Variants in LACTB2 observed in about 807,000 individuals in gnomAD.
The protein encoded by LACTB2 is lactamase beta 2.
LACTB2 carries 32 observed loss-of-function variants against 34.8 expected under a neutral mutation model. That is an observed-to-expected ratio of 0.92 (90% CI 0.69 to 1.24). The LOEUF (loss-of-function observed/expected upper bound fraction) is 1.24, where lower values mean the gene tolerates loss of function less well. LACTB2 is among the 50% of genes most tolerant of loss of function. LACTB2 has a pLI of 0.00. For synonymous variants in LACTB2, 120 were observed against 117.5 expected, an observed-to-expected ratio of 1.02 and a Z score of -0.14; for missense variants, 320 against 345.0, an observed-to-expected ratio of 0.93 and a Z score of 0.57.
At position 70,661,734 on chromosome 8, in the gene LACTB2, C is replaced by T. The variant is rs768059882; in HGVS notation, c.286G>A (p.Asp96Asn). The T allele has an allele frequency of 6.2e-7, 1 of 1,604,316 alleles. No individual in the cohort carries two copies. The highest frequency in any genetic ancestry group is 2.2e-5 in the East Asian group (1 of 44,732). Residue 96 changes from aspartate to asparagine, a missense_variant and splice_region_variant, in exon 2 of 7, where the codon GAC becomes AAC. Asp to Asn is a conservative substitution (Grantham distance 23, BLOSUM62 1). Transcript: ENST00000276590. The stretch of plus-strand genomic sequence containing the variant: ...AGCTTAATGAATGTTTTCTGTTTAC[C>T]ATTATTGATGCTTTTACAAATATCT... ...IGDICKSINNDTTYCIKKLPR... is the reference protein window; with the variant it reads ...IGDICKSINNNTTYCIKKLPR...
chr8:70,662,154 T>C, intron 1 of LACTB2: 1 of 292,396 alleles, frequency 3.4e-6, no homozygotes, highest in Non-Finnish European at 6.4e-6. Flanking sequence ...GCAATTAAAA[T>C]AAACATGGCA....
intron 5 of LACTB2, among the ~76,000 whole-genome samples, chr8:70,639,880 T>C (rs369652356): frequency 2.0e-5 from 3 of 152,062 alleles, no homozygotes; most frequent in African/African-American, 7.2e-5. Context: ...GAGAATCGCG[T>C]GAACCCAGGA....
intron 3 of LACTB2, among the ~76,000 whole-genome samples, chr8:70,648,170 G>C (rs1451335559): frequency 6.6e-6 from 1 of 152,104 alleles, no homozygotes; most frequent in Non-Finnish European, 1.5e-5. Context: ...GAGGCCTAAA[G>C]CCTACGGAAG....
At chr8:70,653,370 C>T (rs1818369727) in intron 3 of LACTB2, among the ~76,000 whole-genome samples, 1 of 152,138 alleles carries the variant, frequency 6.6e-6, no homozygotes, top group South Asian at 2.1e-4. Flanking sequence ...ACTGGGATTA[C>T]AGGTGTGAGC....
At chr8:70,646,781 A>C (rs1442650380) in intron 3 of LACTB2, 6 of 152,240 alleles carry the variant, frequency 3.9e-5, no homozygotes, top group Non-Finnish European at 1.5e-5. Flanking sequence ...CCGACTTCTC[A>C]GCAATATACA....
intron 5 of LACTB2, among the ~76,000 whole-genome samples, chr8:70,639,450 A>G (rs949250456): frequency 1.3e-5 from 2 of 152,022 alleles, no homozygotes; most frequent in African/African-American, 4.8e-5. Context: ...GTGAGCCACC[A>G]TGCCCGGCCT....
chr8:70,661,134 A>T (rs1436467239), intron 2 of LACTB2: 1 of 439,782 alleles, frequency 2.3e-6, no homozygotes. Flanking sequence ...GCTCCATGAG[A>T]ACAGAGTCTG....
intron 4 of LACTB2, among the ~76,000 whole-genome samples, chr8:70,643,178 C>T (rs1424486126): frequency 6.8e-6 from 1 of 146,500 alleles, no homozygotes. Flanking sequence ...TTTAACTGCA[C>T]AGCTAGACAG....
intron 3 of LACTB2, among the ~76,000 whole-genome samples, chr8:70,655,663 T>A (rs1818402396): frequency 6.6e-6 from 1 of 152,240 alleles, no homozygotes; most frequent in Non-Finnish European, 1.5e-5. Context: ...TGAACATGTG[T>A]ATGCAAATAT....
At position 70,645,442 on chromosome 8, in the gene LACTB2, A is replaced by G. The variant is rs1287045184; in HGVS notation, c.414-1199T>C. Among the ~76,000 whole-genome samples, 6 of 152,310 alleles carry G rather than the reference A, an allele frequency of 3.9e-5. No homozygotes were observed. In the East Asian group the frequency reaches 1.2e-3, roughly 29 times the overall value. On this transcript the variant is annotated intron_variant, in intron 3 of 6. Coordinates refer to ENST00000276590, the MANE Select transcript of LACTB2 (RefSeq NM_016027.3). ...AATTTATTTTAGTAGTTATTATCTAAAAGCTTAAAAGAAACTTTCTTAACA... is the reference window on the plus strand; with the variant it reads ...AATTTATTTTAGTAGTTATTATCTAGAAGCTTAAAAGAAACTTTCTTAACA...
intron 5 of LACTB2, chr8:70,640,697 T>C (rs927567731): frequency 9.1e-6 from 4 of 438,520 alleles, no homozygotes; most frequent in African/African-American, 8.2e-5. Context: ...TAAAGTTCAA[T>C]GATGGCTCGA....
rs1818150852 is a variant in LACTB2, at chr8:70,638,455, C to G, written c.823+93G>C. 2.3e-6 allele frequency: 3 copies of G among 1,318,490 alleles called. No homozygotes were observed. The East Asian group carries it at 8.4e-5, about 37-fold the overall frequency. 81.7% of individuals were successfully genotyped at this position (1,318,490 alleles called of 1,614,324 possible). A position where few individuals can be genotyped will look rare whatever the true frequency, so the allele number is the denominator to read the frequency against. ...TTAAAGTGATATTCATGGGAGAACT[C>G]TGATGGGTATTATTTTTCCTCAAAG... On this transcript the variant is annotated intron_variant, in intron 6 of 6. Transcript: ENST00000276590.
At chr8:70,658,870 CA>C (rs1406022006) in intron 2 of LACTB2, among the ~76,000 whole-genome samples, 1 of 151,936 alleles carries the variant, frequency 6.6e-6, no homozygotes, top group African/African-American at 2.4e-5. Flanking sequence ...ACTAAACATA[CA>C]AAAAAATTAG....
intron 2 of LACTB2, among the ~76,000 whole-genome samples, chr8:70,659,380 G>A (rs1818455003): frequency 6.6e-6 from 1 of 152,138 alleles, no homozygotes; most frequent in South Asian, 2.1e-4. Flanking sequence ...GGTAGCACTG[G>A]AAATATGAAG....
intron 5 of LACTB2, among the ~76,000 whole-genome samples, chr8:70,639,723 G>A (rs960757746): frequency 1.1e-4 from 16 of 151,796 alleles, no homozygotes; most frequent in Admixed American, 1.3e-4. Context: ...AGCACTTTGG[G>A]AGGCTGAGGC....
intron 3 of LACTB2, among the ~76,000 whole-genome samples, chr8:70,653,043 T>C (rs1818363541): frequency 6.6e-6 from 1 of 152,240 alleles, no homozygotes; most frequent in Non-Finnish European, 1.5e-5. Context: ...TTTGAGCAAG[T>C]AGTAATATAA....
chr8:70,645,122 TC>T (rs1398294523), intron 3 of LACTB2, among the ~76,000 whole-genome samples: 1 of 152,010 alleles, frequency 6.6e-6, no homozygotes, highest in Non-Finnish European at 1.5e-5. Flanking sequence ...TTGAGATATA[TC>T]AAGGTCTTGT....
chr8:70,668,510 G>A (rs1818567723), intron 1 of LACTB2, among the ~76,000 whole-genome samples: 1 of 152,216 alleles, frequency 6.6e-6, no homozygotes, highest in Non-Finnish European at 1.5e-5. Flanking sequence ...AGGCTGCAGA[G>A]AACCAATTTG....
intron 3 of LACTB2, chr8:70,646,542 G>A (rs1033583307): frequency 5.3e-5 from 8 of 151,980 alleles, no homozygotes; most frequent in African/African-American, 1.2e-4. Context: ...AGACAGAGCC[G>A]TTTTTTATAA....
Sources: gnomAD v4.1 joint callset for allele counts (sites outside exome capture counted in the v4.1 genomes callset) on GRCh38, gnomAD v4.1.1 for gene constraint, MANE v1.5 for transcripts, NCBI Gene and HGNC (gene_info 2026-07-23, HGNC 2026-07-21) for gene names.